The following EPHA7 variants were observed in gnomAD, a reference collection of about 807,000 sequenced individuals.
EPHA7 encodes ephrin type-A receptor 7.
EPHA7 carries 25 observed loss-of-function variants against 112.6 expected under a neutral mutation model. The observed-to-expected ratio is 0.22, with a 90% CI of 0.16 to 0.31. The LOEUF is 0.31. EPHA7 is among the 10% of genes least tolerant of loss of function. The probability of loss-of-function intolerance (pLI) is 1.00; values close to 1 mark genes in which losing one functional copy is unlikely to be tolerated. For synonymous variants in EPHA7, 437 were observed against 406.5 expected, an observed-to-expected ratio of 1.07 and a Z score of -0.90; for missense variants, 962 against 1,212.6, an observed-to-expected ratio of 0.79 and a Z score of 3.07.
Position 93,241,201 on chromosome 6 carries a change from T to G in EPHA7, c.*2225A>C. On this transcript the variant is annotated 3_prime_UTR_variant, in exon 17 of 17. Transcript: ENST00000369303. ...ATTTCTAGAATGGCTTTTGTTAATT[T>G]AATTTTAATAGAAAAAATAAGCACC... The G allele has an allele frequency of 4.7e-6, 1 of 214,990 alleles. No homozygotes were observed. Among genetic ancestry groups the G allele is most frequent in the East Asian group, 6.9e-5 (1 of 14,466 alleles). 13.3% of individuals were successfully genotyped at this position (214,990 alleles called of 1,614,324 possible).
chr6:93,376,239 C>A (rs1777054348), intron 3 of EPHA7, among the ~76,000 whole-genome samples: 1 of 152,044 alleles, frequency 6.6e-6, no homozygotes, highest in East Asian at 1.9e-4. Context: ...ATTGCTGAGG[C>A]TCAAGTTCTC....
chr6:93,375,871 A>AC (rs1476278544), intron 3 of EPHA7, among the ~76,000 whole-genome samples: 1 of 152,162 alleles, frequency 6.6e-6, no homozygotes, highest in Non-Finnish European at 1.5e-5. Flanking sequence ...ACTAAGAAAA[A>AC]CAAAAGCTCC....
intron 16 of EPHA7, among the ~76,000 whole-genome samples, chr6:93,244,439 T>C (rs970620043): frequency 7.9e-5 from 12 of 152,118 alleles, no homozygotes; most frequent in Non-Finnish European, 1.6e-4. Flanking sequence ...ACGATGACAG[T>C]ACAATATAGG....
intron 5 of EPHA7, among the ~76,000 whole-genome samples, chr6:93,281,595 A>C (rs55710173): frequency 1.6e-3 from 238 of 152,166 alleles, no homozygotes; most frequent in African/African-American, 5.5e-3. Context: ...CACACACACA[A>C]ACACACACAT....
At chr6:93,400,916 T>A (rs901114451) in intron 3 of EPHA7, among the ~76,000 whole-genome samples, 1 of 152,118 alleles carries the variant, frequency 6.6e-6, no homozygotes, top group Non-Finnish European at 1.5e-5. Flanking sequence ...AAATGATAAA[T>A]GTATGATATG....
chr6:93,349,013 C>T (rs1775553935), intron 5 of EPHA7, among the ~76,000 whole-genome samples: 1 of 151,678 alleles, frequency 6.6e-6, no homozygotes, highest in Admixed American at 6.6e-5. Context: ...CTTAAACTTA[C>T]ATGATAAATT....
chr6:93,341,599 T>C (rs976288531), intron 5 of EPHA7, among the ~76,000 whole-genome samples: 3 of 151,888 alleles, frequency 2.0e-5, no homozygotes, highest in Non-Finnish European at 4.4e-5. Flanking sequence ...ATGTTTCTAA[T>C]TTTATCTAAC....
intron 5 of EPHA7, among the ~76,000 whole-genome samples, chr6:93,341,718 T>C (rs974140168): frequency 7.4e-4 from 113 of 151,934 alleles, no homozygotes; most frequent in African/African-American, 2.6e-3. Context: ...AGCAAACTGA[T>C]ACAAATGTTA....
rs139238405 is a variant in EPHA7, at chr6:93,392,841, G to A, written c.832+17660C>T. Among the ~76,000 whole-genome samples, 649 of 151,594 alleles carry A rather than the reference G, an allele frequency of 4.3e-3. 8 individuals carry two copies. Among genetic ancestry groups the A allele is most frequent in the African/African-American group, 0.015 (604 of 41,392 alleles). On this transcript the variant is annotated intron_variant, in intron 3 of 16. Transcript: ENST00000369303. ...TATTTTGATATATTTTTCAGACAAGGACTTTACAAAAACATAAAATATGAA... is the reference window on the plus strand; with the variant it reads ...TATTTTGATATATTTTTCAGACAAGAACTTTACAAAAACATAAAATATGAA...
At chr6:93,390,650 T>A (rs772592218) in intron 3 of EPHA7, among the ~76,000 whole-genome samples, 1 of 151,118 alleles carries the variant, frequency 6.6e-6, no homozygotes, top group Non-Finnish European at 1.5e-5. Flanking sequence ...ACAATTAGAG[T>A]GTCTGAAGAC....
chr6:93,274,736 T>C lies in EPHA7; in HGVS notation c.1325-2314A>G, dbSNP rs139900219. Among the ~76,000 whole-genome samples the C allele has an allele frequency of 5.9e-3, 893 of 151,952 alleles. 11 individuals are homozygous for C. The highest frequency in any genetic ancestry group is 0.02 in the African/African-American group (816 of 41,490). On this transcript the variant is annotated intron_variant, in intron 5 of 16. Coordinates refer to ENST00000369303, the MANE Select transcript of EPHA7 (RefSeq NM_004440.4). ...CCTTGAGAATGGATAAACTGCATGA[T>C]AGGAAAAATCTCTCTCTGTCTAATG...
intron 3 of EPHA7, among the ~76,000 whole-genome samples, chr6:93,368,229 G>C (rs555417612): frequency 6.6e-6 from 1 of 152,072 alleles, no homozygotes; most frequent in Non-Finnish European, 1.5e-5. Context: ...TATAAACATT[G>C]TACCTTAACT....
rs139507450 is a variant in EPHA7, at chr6:93,280,345, C to T, written c.1325-7923G>A. On this transcript the variant is annotated intron_variant, in intron 5 of 16. Coordinates refer to ENST00000369303, the MANE Select transcript of EPHA7 (RefSeq NM_004440.4). ...CTGTTGGCATCATATCTATAATCTG[C>T]AAGTGATAACTTTATATCAATTAGA... Among the ~76,000 whole-genome samples, 771 of 152,262 alleles carry T rather than the reference C, an allele frequency of 5.1e-3. 8 individuals are homozygous for T. Among genetic ancestry groups the T allele is most frequent in the South Asian group, 0.016 (78 of 4,820 alleles).
intron 3 of EPHA7, among the ~76,000 whole-genome samples, chr6:93,382,643 T>C (rs1777394770): frequency 6.6e-6 from 1 of 152,152 alleles, no homozygotes; most frequent in Non-Finnish European, 1.5e-5. Flanking sequence ...TTCCCCACCT[T>C]ACCATTCAGT....
intron 5 of EPHA7, among the ~76,000 whole-genome samples, chr6:93,314,942 A>C (rs1186490462): frequency 1.2e-4 from 16 of 138,906 alleles, no homozygotes; most frequent in South Asian, 2.2e-4. Flanking sequence ...GGCTCACTGC[A>C]AGCTCCGCCT....
At chr6:93,270,565 G>T (rs996886685) in intron 6 of EPHA7, among the ~76,000 whole-genome samples, 6 of 151,666 alleles carry the variant, frequency 4.0e-5, no homozygotes, top group Middle Eastern at 3.5e-3. Flanking sequence ...ATATTAGAGA[G>T]TTCTTATTTG....
At chr6:93,308,585 A>G (rs1773376494) in intron 5 of EPHA7, among the ~76,000 whole-genome samples, 1 of 152,286 alleles carries the variant, frequency 6.6e-6, no homozygotes, top group South Asian at 2.1e-4. Context: ...TTATTTTCAA[A>G]GAAAAGATAT....
intron 5 of EPHA7, among the ~76,000 whole-genome samples, chr6:93,326,262 G>T (rs184401849): frequency 1.1e-4 from 16 of 151,418 alleles, no homozygotes; most frequent in African/African-American, 3.6e-4. Context: ...CAAATTACCT[G>T]GCATACAGTA....
At chr6:93,397,859 TAA>T (rs1778256194) in intron 3 of EPHA7, among the ~76,000 whole-genome samples, 1 of 151,946 alleles carries the variant, frequency 6.6e-6, no homozygotes, top group Non-Finnish European at 1.5e-5. Flanking sequence ...GTGGCTGCAA[TAA>T]AAAAGTGTGC....
Sources: gnomAD v4.1 joint callset for allele counts (sites outside exome capture counted in the v4.1 genomes callset) on GRCh38, gnomAD v4.1.1 for gene constraint, MANE v1.5 for transcripts, NCBI Gene and HGNC (gene_info 2026-07-23, HGNC 2026-07-21) for gene names.